HSPA8: variants seen among roughly 807,000 people sequenced by gnomAD.
HSPA8 encodes the protein heat shock protein family A (Hsp70) member 8.
Under a neutral mutation model 52.8 loss-of-function variants are expected in HSPA8, and 2 were observed. The observed-to-expected ratio is 0.04, with a 90% CI of 0.02 to 0.12. HSPA8 has a LOEUF of 0.12. HSPA8 is among the 10% of genes least tolerant of loss of function. The pLI, the probability that HSPA8 is intolerant of heterozygous loss-of-function variation, is 1.00. For synonymous variants in HSPA8, 436 were observed against 274.0 expected (o/e 1.59, Z -5.84); for missense variants, 349 against 800.5 (o/e 0.44, Z 6.81).
rs541230593 is a variant in HSPA8, at chr11:123,061,439, T to G, written c.-5-110A>C. 5 of 818,508 alleles carry G rather than the reference T, an allele frequency of 6.1e-6. No individual in the cohort carries two copies. In the African/African-American group the frequency reaches 8.5e-5, roughly 14 times the overall value. The allele number at this position is 818,508 out of a possible 1,614,324, so 50.7% of individuals were successfully genotyped here. On this transcript the variant is annotated intron_variant, in intron 1 of 8. Coordinates refer to ENST00000534624, the MANE Select transcript of HSPA8 (RefSeq NM_006597.6). ...ACGTATGGCCACTGCCAAGAGGTAA[T>G]AGTGCCCATCACCTCCTGTCTAAGC...
At chr11:123,060,991 AAC>A (rs1565369489) in intron 2 of HSPA8, 127 bp downstream of exon 2, 15 of 930,632 alleles carry the variant, frequency 1.6e-5, no homozygotes, top group Middle Eastern at 2.8e-4. Context: ...CCTGTTTTAT[AAC>A]AGACTTGATA....
At chr11:123,061,675 C>T in intron 1 of HSPA8, 1 of 330,408 alleles carries the variant, frequency 3.0e-6, no homozygotes, top group South Asian at 3.0e-5. Flanking sequence ...CGGAATGTAC[C>T]CCCATACTGG....
At chr11:123,058,217 G>C (rs1865370237) in intron 8 of HSPA8, 35 bp downstream of exon 8, 2 of 1,251,732 alleles carry the variant, frequency 1.6e-6, no homozygotes, top group Non-Finnish European at 2.3e-6. Context: ...CCTCCATTGA[G>C]TGGGGGAGGA....
chr11:123,059,334 C>A (rs539172644), intron 5 of HSPA8, 73 bp from the exon 6 acceptor site: 3 of 1,406,070 alleles, frequency 2.1e-6, no homozygotes, highest in Admixed American at 3.6e-5. Context: ...TTAACTATCA[C>A]TCGCTCAGAC....
At chr11:123,061,373 A>G (rs779121779) in intron 1 of HSPA8, 44 bp from the exon 2 acceptor site, 41 of 1,433,804 alleles carry the variant, frequency 2.9e-5, no homozygotes, top group Middle Eastern at 1.7e-4. Context: ...ATTAATCAAA[A>G]TATTTCCCTC....
Position 123,058,377 on chromosome 11 carries a change from A to C in HSPA8, c.1630T>G (p.Ser544Ala). ...GTTGCTTTCATGTTGAAGGCATAGG[A>C]CTCAAGTGAATTCTTGGATGACACC... is the stretch of plus-strand genomic sequence containing the variant. Reference protein sequence around the residue: ...DKVSSKNSLESYAFNMKATVE... With the variant: ...DKVSSKNSLEAYAFNMKATVE... Residue 544 changes from serine to alanine, a missense_variant, in exon 8 of 9, where the codon TCC becomes GCC. Transcript: ENST00000534624. 6.2e-7 allele frequency: 1 copy of C among 1,613,688 alleles called. No individual in the cohort carries two copies. The highest frequency in any genetic ancestry group is 8.5e-7 in the Non-Finnish European group (1 of 1,179,706).
chr11:123,059,376 G>A (rs1334443068), intron 5 of HSPA8, 97 bp downstream of exon 5: 3 of 1,391,294 alleles, frequency 2.2e-6, no homozygotes, highest in Admixed American at 1.8e-5. Context: ...CATTAGCCAA[G>A]CTTTTGGTGG....
intron 5 of HSPA8, 75 bp from the exon 6 acceptor site, chr11:123,059,336 C>T (rs1254420087): frequency 1.3e-5 from 18 of 1,406,168 alleles, no homozygotes; most frequent in South Asian, 1.1e-4. Context: ...AACTATCACT[C>T]GCTCAGACAT....
upstream of HSPA8, chr11:123,062,405 G>A (rs112181588): frequency 6.6e-6 from 1 of 152,460 alleles, no homozygotes; most frequent in Non-Finnish European, 1.5e-5. Flanking sequence ...CGGGGAAAGG[G>A]AGGGTGGGGC....
Position 123,058,324 on chromosome 11 carries a change from C to T in HSPA8, c.1683G>A (p.Lys561=). 6.2e-7 allele frequency: 1 copy of T among 1,612,790 alleles called. No individual in the cohort carries two copies. The highest frequency in any genetic ancestry group is 8.5e-7 in the Non-Finnish European group (1 of 1,179,642). The change falls in exon 8 of 9, where the codon AAG becomes AAA. Residue 561 remains lysine, a synonymous_variant. Coordinates refer to ENST00000534624, the MANE Select transcript of HSPA8 (RefSeq NM_006597.6). ...ATVEDEKLQG[K]INDEDKQKIL... ...TCTTCTGTTTGTCCTCATCGTTAAT[C>T]TTGCCTTGAAGTTTCTCATCTTCAA... is the stretch of plus-strand genomic sequence containing the variant.
chr11:123,061,409 G>GA (rs1382730230), intron 1 of HSPA8, 80 bp from the exon 2 acceptor site: 2 of 1,136,360 alleles, frequency 1.8e-6, no homozygotes, highest in East Asian at 2.5e-5. Flanking sequence ...ACTTAACCAG[G>GA]AAAAACGTAT....
rs776882071 is a variant in HSPA8 at position 123,057,936 on chromosome 11, G to A, written c.1756-17C>T. The A allele has an allele frequency of 8.3e-6, 13 of 1,565,566 alleles. No individual in the cohort carries two copies. The highest frequency in any genetic ancestry group is 1.1e-5 in the Non-Finnish European group (13 of 1,152,764). The stretch of plus-strand genomic sequence containing the variant: ...CTCAGCAGTCTGAGGAAGAGAAAAA[G>A]GAATTACTGCAAGTTCTTTTAATGT... On this transcript the variant is annotated splice_polypyrimidine_tract_variant and intron_variant, in intron 8 of 8. Transcript: ENST00000534624.
chr11:123,060,089 C>T (rs1013205195), intron 4 of HSPA8, 27 bp downstream of exon 4: 7 of 1,613,866 alleles, frequency 4.3e-6, no homozygotes, highest in Non-Finnish European at 5.1e-6. Context: ...TAAAATAATC[C>T]GAACTTGCAT....
chr11:123,059,407 T>A (rs754933065), intron 5 of HSPA8, 66 bp downstream of exon 5: 9 of 1,433,692 alleles, frequency 6.3e-6, no homozygotes, highest in South Asian at 6.2e-5. Flanking sequence ...TGTTTAACAA[T>A]CACTCATCAC....
chr11:123,058,910 C>T (rs1440113030), intron 6 of HSPA8, 80 bp from the exon 7 acceptor site: 11 of 1,461,536 alleles, frequency 7.5e-6, no homozygotes, highest in Non-Finnish European at 9.6e-6. Context: ...GAAGAATGGT[C>T]GCTCAAACAT....
In HSPA8 at chr11:123,059,218, A is replaced by G. The variant is rs1347295537; in HGVS notation, c.1164T>C (p.Val388=). 6.2e-7 allele frequency: 1 copy of G among 1,612,658 alleles called. No homozygotes were observed. Among genetic ancestry groups the G allele is most frequent in the Non-Finnish European group, 8.5e-7 (1 of 1,179,972 alleles). Residue 388 remains valine, a synonymous_variant, in exon 6 of 9, where the codon GTT becomes GTC. Coordinates refer to ENST00000534624, the MANE Select transcript of HSPA8 (RefSeq NM_006597.6). ...TGACATCCAAGAGCAGCAAATCTTG[A>G]ACATTCTCAGACTTGTCTCCAGACA... The part of the protein sequence containing the change: ...AILSGDKSEN[V]QDLLLLDVTP...
At position 123,060,862 on chromosome 11, in the gene HSPA8, A is replaced by G. The variant is rs60104917; in HGVS notation, c.206-64T>C. On this transcript the variant is annotated intron_variant, in intron 2 of 8. Coordinates refer to ENST00000534624, the MANE Select transcript of HSPA8 (RefSeq NM_006597.6). ...AGCTCTTCTGATAAAACTCAAGTCC[A>G]TGATTACTCAAATACCTAACAGTTC... is the stretch of plus-strand genomic sequence containing the variant. The G allele has an allele frequency of 0.011, 15,329 of 1,428,660 alleles. 938 individuals carry two copies. In the East Asian group the frequency reaches 0.18, roughly 17 times the overall value. The allele number at this position is 1,428,660 out of a possible 1,614,324, so 88.5% of individuals were successfully genotyped here. A position where few individuals can be genotyped will look rare whatever the true frequency, so the allele number is the denominator to read the frequency against.
intron 2 of HSPA8, 72 bp from the exon 3 acceptor site, chr11:123,060,870 T>C (rs556433794): frequency 7.3e-7 from 1 of 1,367,246 alleles, no homozygotes; most frequent in Non-Finnish European, 1.0e-6. Context: ...CCATGATTAC[T>C]CAAATACCTA....
At chr11:123,060,827 T>A (rs1865474375) in intron 2 of HSPA8, 29 bp from the exon 3 acceptor site, 2 of 1,541,366 alleles carry the variant, frequency 1.3e-6, no homozygotes, top group Non-Finnish European at 1.8e-6. Flanking sequence ...GAAAACACTT[T>A]CAATTTCATA....
Sources: allele counts gnomAD v4.1 joint callset, GRCh38; gene constraint gnomAD v4.1.1; transcripts MANE v1.5; gene names NCBI Gene and HGNC (gene_info 2026-07-23, HGNC 2026-07-21).